The following ATG7 variants were observed in gnomAD, a reference collection of about 807,000 sequenced individuals.
The protein encoded by ATG7 is ubiquitin-like modifier-activating enzyme ATG7.
Under a neutral mutation model 82.4 loss-of-function variants are expected in ATG7, and 70 were observed. That is an observed-to-expected ratio of 0.85 (90% CI 0.70 to 1.04). ATG7 has a LOEUF of 1.04. ATG7 is among the 50% of genes least tolerant of loss of function. The probability of loss-of-function intolerance (pLI) is 0.00; values close to 1 mark genes in which losing one functional copy is unlikely to be tolerated. For missense variants in ATG7, 792 were observed against 864.3 expected (o/e 0.92, Z 1.05); for synonymous variants, 287 against 313.0 (o/e 0.92, Z 0.88).
intron 18 of ATG7, among the ~76,000 whole-genome samples, chr3:11,376,401 A>T (rs900783651): frequency 2.6e-5 from 4 of 152,252 alleles, no homozygotes; most frequent in Non-Finnish European, 5.9e-5. Flanking sequence ...GGGCATAAAG[A>T]TCAAAAGGAT....
the ATG7 span, among the ~76,000 whole-genome samples, chr3:11,574,783 ATATGTGTGTGTGTGTG>A: frequency 1.5e-3 from 163 of 111,852 alleles, no homozygotes; most frequent in African/African-American, 4.9e-3. Flanking sequence ...ATTCAACTAT[ATATGTGTGTGTGTGTG>A]TGTGTGTGTG....
At chr3:11,351,395 GAT>G (rs2075532993) in intron 14 of ATG7, among the ~76,000 whole-genome samples, 1 of 152,224 alleles carries the variant, frequency 6.6e-6, no homozygotes, top group African/African-American at 2.4e-5. Flanking sequence ...GAGTTAGCTA[GAT>G]TGAGGGTAGC....
At chr3:11,568,710 A>G in the ATG7 span, 1 of 1,548,550 alleles carries the variant, frequency 6.5e-7, no homozygotes, top group East Asian at 2.4e-5. This position sits in a 1 kb window ranked among gnomAD's most constrained non-coding sequence, Gnocchi z 5.9. Flanking sequence ...CCCAGGCGTC[A>G]TGTGCTCCCG....
At chr3:11,315,813 G>A (rs1391740918) in intron 9 of ATG7, among the ~76,000 whole-genome samples, 2 of 152,094 alleles carry the variant, frequency 1.3e-5, no homozygotes, top group Non-Finnish European at 2.9e-5. Flanking sequence ...TGCAACCTCT[G>A]CCTTCCTGGT....
At chr3:11,310,696 G>A (rs1262083954) in intron 7 of ATG7, among the ~76,000 whole-genome samples, 1 of 151,050 alleles carries the variant, frequency 6.6e-6, no homozygotes, top group African/African-American at 2.4e-5. Context: ...GCAATGGTGC[G>A]ATGTCGGCTC....
At chr3:11,283,026 C>G (rs1390445810) in intron 3 of ATG7, among the ~76,000 whole-genome samples, 1 of 152,086 alleles carries the variant, frequency 6.6e-6, no homozygotes. Context: ...CCATTTTGGC[C>G]CAGAGAAGGC....
chr3:11,562,704 T>G, the ATG7 span, among the ~76,000 whole-genome samples: 1 of 152,208 alleles, frequency 6.6e-6, no homozygotes, highest in Non-Finnish European at 1.5e-5. Flanking sequence ...GAATGACATG[T>G]GCTGACAGCA....
intron 20 of ATG7, among the ~76,000 whole-genome samples, chr3:11,448,486 A>G (rs967309148): frequency 2.6e-5 from 4 of 152,218 alleles, no homozygotes; most frequent in African/African-American, 7.2e-5. Context: ...ATGTGCCTTT[A>G]GTCTCCTCCA....
intron 19 of ATG7, among the ~76,000 whole-genome samples, chr3:11,414,504 T>G (rs2081199380): frequency 6.6e-6 from 1 of 152,242 alleles, no homozygotes; most frequent in Admixed American, 6.5e-5. Context: ...CAGACAGTTT[T>G]ATTTCTTCCT....
At chr3:11,490,679 T>C (rs1027136495) in intron 20 of ATG7, among the ~76,000 whole-genome samples, 18 of 152,230 alleles carry the variant, frequency 1.2e-4, no homozygotes, top group South Asian at 2.1e-4. Flanking sequence ...GGTGACAAAA[T>C]CTCTCAGCAT....
At chr3:11,568,518 C>CT in the ATG7 span, 1 of 1,525,682 alleles carries the variant, frequency 6.6e-7, no homozygotes, top group Non-Finnish European at 8.9e-7. The surrounding 1 kb of genome is among the most constrained non-coding windows in gnomAD (Gnocchi z 5.9). Flanking sequence ...ACAGTGGGCA[C>CT]TATGGGTCAG....
chr3:11,439,206 C>A lies in ATG7; in HGVS notation c.2079+12280C>A, dbSNP rs1272852590. On this transcript the variant is annotated intron_variant, in intron 20 of 20. Transcript: ENST00000693202. ...GCCTCAGCCTCCCGAGTAGCAGGGA[C>A]TACAGGCGCCCACCACCACGCCCGG... Among the ~76,000 whole-genome samples, 4 of 151,470 alleles carry A rather than the reference C, an allele frequency of 2.6e-5. No homozygotes were observed. The East Asian group carries it at 7.8e-4, about 29-fold the overall frequency.
intron 13 of ATG7, among the ~76,000 whole-genome samples, chr3:11,347,059 C>G (rs1399276929): frequency 6.6e-6 from 1 of 152,236 alleles, no homozygotes; most frequent in East Asian, 1.9e-4. Flanking sequence ...TACTTATGAT[C>G]TACTAAAATA....
At chr3:11,299,031 T>C (rs1946381634) in intron 4 of ATG7, 176 bp downstream of exon 4, 1 of 734,634 alleles carries the variant, frequency 1.4e-6, no homozygotes, top group Non-Finnish European at 2.1e-6. Flanking sequence ...TTATTTTCTC[T>C]TGTTGTGGGG....
intron 20 of ATG7, among the ~76,000 whole-genome samples, chr3:11,489,710 A>G (rs1054644437): frequency 7.5e-5 from 11 of 147,184 alleles, no homozygotes; most frequent in East Asian, 2.0e-4. Flanking sequence ...GAACATCTTT[A>G]TTTCTGCCTT....
intron 18 of ATG7, among the ~76,000 whole-genome samples, chr3:11,372,023 T>TAAAAAGCATGCAAAA (rs2077032726): frequency 6.6e-6 from 1 of 151,478 alleles, no homozygotes; most frequent in Non-Finnish European, 1.5e-5. Flanking sequence ...TGATGCTTTT[T>TAAAAAGCATGCAAAA]GCATGCTGTC....
intron 20 of ATG7, among the ~76,000 whole-genome samples, chr3:11,522,836 G>C (rs2092476992): frequency 6.6e-6 from 1 of 152,278 alleles, no homozygotes; most frequent in East Asian, 1.9e-4. Context: ...TTTTGATTTA[G>C]TGTCTGAAGG....
intron 19 of ATG7, among the ~76,000 whole-genome samples, chr3:11,402,694 T>C (rs1458813930): frequency 6.6e-6 from 1 of 152,182 alleles, no homozygotes; most frequent in Non-Finnish European, 1.5e-5. Flanking sequence ...GAAAATCAAC[T>C]GTCAGATGCT....
chr3:11,293,845 C>T (rs1400044161), intron 3 of ATG7, among the ~76,000 whole-genome samples: 24 of 150,836 alleles, frequency 1.6e-4, no homozygotes, highest in African/African-American at 3.7e-4. Flanking sequence ...AGCAAGACTC[C>T]GTATCGAGAG....
Sources: gnomAD v4.1 joint callset for allele counts (sites outside exome capture counted in the v4.1 genomes callset) on GRCh38, gnomAD v4.1.1 for gene constraint, Gnocchi (gnomAD v3.1) non-coding constraint, MANE v1.5 for transcripts, NCBI Gene and HGNC (gene_info 2026-07-23, HGNC 2026-07-21) for gene names.